Variants in FITM2 observed in about 807,000 individuals in gnomAD.
The protein encoded by FITM2 is fat storage inducing transmembrane protein 2, also known as acyl-coenzyme A diphosphatase FITM2.
Under a neutral mutation model 23.3 loss-of-function variants are expected in FITM2, and 16 were observed. The observed-to-expected ratio is 0.69, with a 90% CI of 0.47 to 1.05. The LOEUF (loss-of-function observed/expected upper bound fraction) is 1.05. Ranked by LOEUF, FITM2 falls within the 50% of genes least tolerant of loss-of-function variation. The pLI is 0.00. For synonymous variants in FITM2, 132 were observed against 142.0 expected (o/e 0.93, Z 0.50); for missense variants, 273 against 327.5 (o/e 0.83, Z 1.29).
chr20:44,306,499 C>A lies in FITM2; in HGVS notation c.*126G>T. ...CTCACTCCCCAGACTTCAGCACCAC[C>A]CACCAAAACTGCCTGGTACACTTTC... On this transcript the variant is annotated 3_prime_UTR_variant, in exon 2 of 2. Transcript: ENST00000396825. The A allele has an allele frequency of 7.5e-7, 1 of 1,333,054 alleles. No individual in the cohort carries two copies. The highest frequency in any genetic ancestry group is 2.3e-5 in the Admixed American group (1 of 42,798). 82.6% of individuals were successfully genotyped at this position (1,333,054 alleles called of 1,614,324 possible). A position where few individuals can be genotyped will look rare whatever the true frequency, so the allele number is the denominator to read the frequency against.
At chr20:44,308,011 C>T (rs1399630796) in intron 1 of FITM2, among the ~76,000 whole-genome samples, 8 of 150,708 alleles carry the variant, frequency 5.3e-5, no homozygotes, top group Non-Finnish European at 8.9e-5. Flanking sequence ...GGCATGAACC[C>T]GGGAGGCGGA....
In FITM2 at chr20:44,306,519, A is replaced by G; in HGVS notation, c.*106T>C. The stretch of plus-strand genomic sequence containing the variant: ...ACCACCCACCAAAACTGCCTGGTAC[A>G]CTTTCCCTCTGAAGTAGGATCAATA... On this transcript the variant is annotated 3_prime_UTR_variant, in exon 2 of 2. Coordinates refer to ENST00000396825, the MANE Select transcript of FITM2 (RefSeq NM_001080472.4). The G allele has an allele frequency of 6.7e-7, 1 of 1,486,602 alleles. No homozygotes were observed. Among genetic ancestry groups the G allele is most frequent in the Non-Finnish European group, 9.0e-7 (1 of 1,112,028 alleles). 92.1% of individuals were successfully genotyped at this position (1,486,602 alleles called of 1,614,324 possible).
intron 1 of FITM2, among the ~76,000 whole-genome samples, chr20:44,308,711 A>C (rs1384110348): frequency 1.3e-5 from 2 of 150,672 alleles, no homozygotes; most frequent in Non-Finnish European, 3.0e-5. Flanking sequence ...AATTTTTTTT[A>C]ATTATTATTT....
intron 1 of FITM2, among the ~76,000 whole-genome samples, chr20:44,308,378 G>T (rs2062696367): frequency 1.3e-5 from 2 of 152,146 alleles, no homozygotes; most frequent in South Asian, 4.1e-4. Context: ...GGAGGAAGGT[G>T]CCATTGTTCC....
Position 44,307,206 on chromosome 20 carries a change from A to ATTC in FITM2, c.207_208insGAA (p.Phe69_Cys70insGlu), listed in dbSNP as rs774619842. On this transcript the variant is annotated inframe_insertion, in exon 2 of 2. Coordinates refer to ENST00000396825, the MANE Select transcript of FITM2 (RefSeq NM_001080472.4). The stretch of plus-strand genomic sequence containing the variant: ...AGGGCAATGAAAGGCAGAAGGAGAC[A>ATTC]GAACGTCCAGGCCCAGGCCACTTTG... 6 of 1,614,080 alleles carry ATTC rather than the reference A, an allele frequency of 3.7e-6. No homozygotes were observed. Among genetic ancestry groups the ATTC allele is most frequent in the Non-Finnish European group, 5.1e-6 (6 of 1,180,030 alleles).
In FITM2 at chr20:44,303,853, T is replaced by G. The variant is rs1187637892; in HGVS notation, c.*2772A>C. On this transcript the variant is annotated 3_prime_UTR_variant, in exon 2 of 2. Transcript: ENST00000396825. ...TTGGCTAGGCTGGCCCAACCTCAAG[T>G]GATCCTCCCATCTCAGCCTCCCAAA... The G allele has an allele frequency of 6.6e-6, 1 of 152,164 alleles. No individual in the cohort carries two copies. Among genetic ancestry groups the G allele is most frequent in the Non-Finnish European group, 1.5e-5 (1 of 68,086 alleles). 9.4% of individuals were successfully genotyped at this position (152,164 alleles called of 1,614,324 possible).
intron 1 of FITM2, among the ~76,000 whole-genome samples, 200 bp downstream of exon 1, chr20:44,310,776 C>G (rs1266388375): frequency 6.6e-6 from 1 of 152,240 alleles, no homozygotes; most frequent in Non-Finnish European, 1.5e-5. Context: ...CAAAGTGGGT[C>G]TGCAAACACT....
At position 44,311,046 on chromosome 20, in the gene FITM2, C is replaced by T. The variant is rs1362099810; in HGVS notation, c.103G>A (p.Gly35Ser). 2 of 1,601,570 alleles carry T rather than the reference C, an allele frequency of 1.2e-6. No homozygotes were observed. Among genetic ancestry groups the T allele is most frequent in the Non-Finnish European group, 8.5e-7 (1 of 1,175,112 alleles). The change falls in exon 1 of 2, where the codon GGC becomes AGC. Residue 35 changes from glycine to serine, a missense_variant. By Grantham distance (56) the Gly-to-Ser change is moderately conservative. Transcript: ENST00000396825. ...GGGGACAACTCCTTGAGGAGGGAGC[C>T]CGCCAGCATGGAGGCCACCAGGGCC... The part of the protein sequence containing the change: ...PWALVASMLA[G>S]SLLKELSPLP...
rs992631977 is a variant in FITM2 at position 44,303,414 on chromosome 20, G to A, written c.*3211C>T. The A allele has an allele frequency of 6.6e-6, 1 of 152,180 alleles. No homozygotes were observed. The highest frequency in any genetic ancestry group is 2.4e-5 in the African/African-American group (1 of 41,442). The allele number at this position is 152,180 out of a possible 1,614,324, so 9.4% of individuals were successfully genotyped here. A position where few individuals can be genotyped will look rare whatever the true frequency, so the allele number is the denominator to read the frequency against. On this transcript the variant is annotated 3_prime_UTR_variant, in exon 2 of 2. Coordinates refer to ENST00000396825, the MANE Select transcript of FITM2 (RefSeq NM_001080472.4). The stretch of plus-strand genomic sequence containing the variant: ...ATAGGAATAGAAAGCATGCTCCCAA[G>A]GAAGAGGCAAGGGGGCTAAGCATGG...
chr20:44,309,806 C>A (rs2062700147), intron 1 of FITM2, among the ~76,000 whole-genome samples: 4 of 152,190 alleles, frequency 2.6e-5, no homozygotes, highest in Non-Finnish European at 5.9e-5. Flanking sequence ...CCCAGCTCAC[C>A]TAGGCCAGAG....
intron 1 of FITM2, among the ~76,000 whole-genome samples, chr20:44,307,752 G>A (rs1271423099): frequency 6.6e-5 from 10 of 150,576 alleles, no homozygotes; most frequent in Non-Finnish European, 1.0e-4. Flanking sequence ...CCCCACCCCT[G>A]TGTAAGTACT....
In FITM2 at chr20:44,305,497, G is replaced by A. The variant is rs1319546030; in HGVS notation, c.*1128C>T. ...ATGAAACAAATATTACAACCAGAGA[G>A]TGTCCTTCAGGCATCAGGCTGTTTT... On this transcript the variant is annotated 3_prime_UTR_variant, in exon 2 of 2. Transcript: ENST00000396825. The A allele has an allele frequency of 2.0e-5, 3 of 152,170 alleles. No individual in the cohort carries two copies. Among genetic ancestry groups the A allele is most frequent in the East Asian group, 1.9e-4 (1 of 5,166 alleles). 9.4% of individuals were successfully genotyped at this position (152,170 alleles called of 1,614,324 possible).
rs892065806 is a variant in FITM2, at chr20:44,304,670, C to T, written c.*1955G>A. 2 of 152,320 alleles carry T rather than the reference C, an allele frequency of 1.3e-5. No homozygotes were observed. The highest frequency in any genetic ancestry group is 1.5e-5 in the Non-Finnish European group (1 of 68,082). 9.4% of individuals were successfully genotyped at this position (152,320 alleles called of 1,614,324 possible). A position where few individuals can be genotyped will look rare whatever the true frequency, so the allele number is the denominator to read the frequency against. On this transcript the variant is annotated 3_prime_UTR_variant, in exon 2 of 2. Transcript: ENST00000396825. Reference sequence around the variant, plus strand: ...CATCAGAGGGAGGCATTTTACTTCACTTCTGAATTATCATAATCTTGTCCA... The same window carrying T: ...CATCAGAGGGAGGCATTTTACTTCATTTCTGAATTATCATAATCTTGTCCA...
chr20:44,308,556 GAC>G (rs1160099615), intron 1 of FITM2, among the ~76,000 whole-genome samples: 1 of 151,972 alleles, frequency 6.6e-6, no homozygotes, highest in Non-Finnish European at 1.5e-5. Flanking sequence ...ATTTTTCTGA[GAC>G]AGGATCTCAC....
rs1375965602 is a variant in FITM2, at chr20:44,304,079, T to G, written c.*2546A>C. ...TCATCACCTGTGTTTCTGCTCCTTT[T>G]GGGTGCAACAAATCATGACTCATTG... On this transcript the variant is annotated 3_prime_UTR_variant, in exon 2 of 2. Transcript: ENST00000396825. The G allele has an allele frequency of 6.6e-6, 1 of 152,220 alleles. No individual in the cohort carries two copies. The highest frequency in any genetic ancestry group is 1.5e-5 in the Non-Finnish European group (1 of 68,038). 9.4% of individuals were successfully genotyped at this position (152,220 alleles called of 1,614,324 possible).
chr20:44,310,469 C>T (rs2062701824), intron 1 of FITM2, among the ~76,000 whole-genome samples: 1 of 152,094 alleles, frequency 6.6e-6, no homozygotes, highest in South Asian at 2.1e-4. Flanking sequence ...CAGGCGGGGG[C>T]TCTGCCTGTC....
chr20:44,306,518 C>T lies in FITM2; in HGVS notation c.*107G>A, dbSNP rs1372201813. On this transcript the variant is annotated 3_prime_UTR_variant, in exon 2 of 2. Coordinates refer to ENST00000396825, the MANE Select transcript of FITM2 (RefSeq NM_001080472.4). The stretch of plus-strand genomic sequence containing the variant: ...CACCACCCACCAAAACTGCCTGGTA[C>T]ACTTTCCCTCTGAAGTAGGATCAAT... The T allele has an allele frequency of 1.7e-5, 25 of 1,481,220 alleles. No individual in the cohort carries two copies. The highest frequency in any genetic ancestry group is 2.2e-5 in the Non-Finnish European group (24 of 1,108,114). 91.8% of individuals were successfully genotyped at this position (1,481,220 alleles called of 1,614,324 possible).
chr20:44,311,063 A>G lies in FITM2; in HGVS notation c.86T>C (p.Val29Ala), dbSNP rs764053395. ...GAGGGAGCCCGCCAGCATGGAGGCC[A>G]CCAGGGCCCAGGGCAGGTAGCGCCG... Reference protein sequence around the residue: ...AVRRYLPWALVASMLAGSLLK... With the variant: ...AVRRYLPWALAASMLAGSLLK... Residue 29 changes from valine to alanine, a missense_variant, in exon 1 of 2, where the codon GTG becomes GCG. Around this residue, in one of 3 missense-constraint regions of FITM2, gnomAD observed 123 missense variants for 117.9 expected, o/e 1.04. Coordinates refer to ENST00000396825, the MANE Select transcript of FITM2 (RefSeq NM_001080472.4). The G allele has an allele frequency of 6.2e-7, 1 of 1,610,796 alleles. No homozygotes were observed. Among genetic ancestry groups the G allele is most frequent in the Admixed American group, 1.7e-5 (1 of 59,844 alleles).
intron 1 of FITM2, among the ~76,000 whole-genome samples, chr20:44,308,000 T>G (rs932730967): frequency 2.6e-5 from 4 of 151,792 alleles, no homozygotes; most frequent in Non-Finnish European, 5.9e-5. Flanking sequence ...GGCAGGAGAA[T>G]GGCATGAACC....
Sources: allele counts gnomAD v4.1 joint callset (sites outside exome capture counted in the v4.1 genomes callset), GRCh38; gene constraint gnomAD v4.1.1; regional missense constraint gnomAD v4.1.1; transcripts MANE v1.5; gene names NCBI Gene and HGNC (gene_info 2026-07-23, HGNC 2026-07-21).